The following PTBP2 variants were observed in gnomAD, a reference collection of about 807,000 sequenced individuals.
PTBP2 encodes polypyrimidine tract binding protein 2.
In PTBP2, 13 loss-of-function variants were observed where a neutral mutation model predicts 61.4. The observed-to-expected ratio is 0.21, with a 90% CI of 0.14 to 0.34. The LOEUF is 0.34. PTBP2 is among the 10% of genes least tolerant of loss of function. PTBP2 has a pLI of 1.00. For synonymous variants in PTBP2, 215 were observed against 218.5 expected (o/e 0.98, Z 0.14); for missense variants, 405 against 642.6 (o/e 0.63, Z 4.00).
chr1:96,792,191 G>T (rs1659921055), intron 8 of PTBP2, among the ~76,000 whole-genome samples: 1 of 152,114 alleles, frequency 6.6e-6, no homozygotes, highest in South Asian at 2.1e-4. Context: ...AAATACTGTA[G>T]CTTAGAATGA....
intron 3 of PTBP2, among the ~76,000 whole-genome samples, chr1:96,767,748 A>G (rs1304385365): frequency 6.6e-6 from 1 of 152,132 alleles, no homozygotes; most frequent in Admixed American, 6.5e-5. Flanking sequence ...TAGATAAGAT[A>G]CTACAAAATG....
At chr1:96,797,673 A>G (rs1660527050) in intron 8 of PTBP2, among the ~76,000 whole-genome samples, 1 of 152,040 alleles carries the variant, frequency 6.6e-6, no homozygotes, top group African/African-American at 2.4e-5. Context: ...ATAAAATGGT[A>G]TAGTGTTTGC....
chr1:96,794,754 A>G (rs1182129815), intron 8 of PTBP2, among the ~76,000 whole-genome samples: 19 of 152,214 alleles, frequency 1.2e-4, no homozygotes, highest in South Asian at 2.1e-4. Flanking sequence ...TTATCAGCAC[A>G]TAAATGAGTG....
downstream of PTBP2, chr1:96,819,145 A>G (rs1471758275): frequency 1.6e-4 from 25 of 152,000 alleles, no homozygotes; most frequent in Admixed American, 1.6e-3. Context: ...TTTGTGGTTT[A>G]ATGAAATGAT....
chr1:96,734,227 G>A (rs550840433), intron 2 of PTBP2, among the ~76,000 whole-genome samples: 6 of 152,136 alleles, frequency 3.9e-5, no homozygotes, highest in African/African-American at 1.4e-4. Flanking sequence ...CTAAAATGAT[G>A]ATATCCACAC....
downstream of PTBP2, chr1:96,817,230 G>C (rs1199630810): frequency 6.6e-6 from 1 of 152,120 alleles, no homozygotes. Flanking sequence ...CTCATGAGCA[G>C]CTCTGAACTT....
intron 2 of PTBP2, among the ~76,000 whole-genome samples, chr1:96,747,545 G>T (rs1199038410): frequency 6.6e-6 from 1 of 151,662 alleles, no homozygotes; most frequent in Non-Finnish European, 1.5e-5. Flanking sequence ...CCCTTATTAA[G>T]ATAGTCAATT....
chr1:96,746,432 T>TC (rs913099339), intron 2 of PTBP2, among the ~76,000 whole-genome samples: 1 of 152,156 alleles, frequency 6.6e-6, no homozygotes, highest in African/African-American at 2.4e-5. Flanking sequence ...ACATCTTTTT[T>TC]CCCCCCACAT....
chr1:96,792,333 C>A lies in PTBP2; in HGVS notation c.904+7079C>A, dbSNP rs273862. ...AATACATCATCTCTAAATGTAGTTA[C>A]CATTATCGATCCCATTTTATAGATT... is the stretch of plus-strand genomic sequence containing the variant. On this transcript the variant is annotated intron_variant, in intron 8 of 13. Coordinates refer to ENST00000674951, the MANE Select transcript of PTBP2 (RefSeq NM_021190.4). 3.1e-3 allele frequency among the ~76,000 whole-genome samples: 475 copies of A among 152,218 alleles called. 2 individuals are homozygous for A. The highest frequency in any genetic ancestry group is 0.011 in the African/African-American group (464 of 41,512).
chr1:96,799,299 T>TTTTTTTTTTC (rs1660733361), intron 8 of PTBP2, among the ~76,000 whole-genome samples: 1 of 137,884 alleles, frequency 7.3e-6, no homozygotes, highest in African/African-American at 2.9e-5. Context: ...TCAAGCTTTT[T>TTTTTTTTTTC]TTTTTTTTTT....
rs1177747191 is a variant in PTBP2, at chr1:96,813,658, T to G, written c.*253T>G. 3 of 241,896 alleles carry G rather than the reference T, an allele frequency of 1.2e-5. No homozygotes were observed. The highest frequency in any genetic ancestry group is 2.2e-5 in the Non-Finnish European group (3 of 136,064). 15.0% of individuals were successfully genotyped at this position (241,896 alleles called of 1,614,324 possible). A position where few individuals can be genotyped will look rare whatever the true frequency, so the allele number is the denominator to read the frequency against. On this transcript the variant is annotated 3_prime_UTR_variant, in exon 14 of 14. Coordinates refer to ENST00000674951, the MANE Select transcript of PTBP2 (RefSeq NM_021190.4). ...GTCTGTTTAAAATTTCAGTTTAATTTTGCTTTTTTTTTTTTTTTTTTTTTC... is the reference window on the plus strand; with the variant it reads ...GTCTGTTTAAAATTTCAGTTTAATTGTGCTTTTTTTTTTTTTTTTTTTTTC...
chr1:96,746,091 C>A (rs543799157), intron 2 of PTBP2, among the ~76,000 whole-genome samples: 149 of 150,980 alleles, frequency 9.9e-4, no homozygotes, highest in Non-Finnish European at 1.8e-3. Context: ...AAAACAACAA[C>A]AAAAAAAGAT....
chr1:96,779,835 G>A (rs1658451401), intron 7 of PTBP2, among the ~76,000 whole-genome samples: 1 of 151,766 alleles, frequency 6.6e-6, no homozygotes, highest in Non-Finnish European at 1.5e-5. Context: ...TTACTTGCCT[G>A]CATCTGGGCT....
chr1:96,733,859 C>T (rs976566124), intron 2 of PTBP2, among the ~76,000 whole-genome samples: 3 of 152,180 alleles, frequency 2.0e-5, no homozygotes, highest in African/African-American at 7.2e-5. Context: ...TGAAGACAGT[C>T]AGGATGAAGA....
chr1:96,753,161 A>G (rs893846058), intron 3 of PTBP2, among the ~76,000 whole-genome samples: 1 of 152,222 alleles, frequency 6.6e-6, no homozygotes, highest in Non-Finnish European at 1.5e-5. Context: ...ACATGTGTGC[A>G]GGTTGAGGCT....
At chr1:96,821,401 A>G (rs1662679014) in exon 14 of PTBP2, 1 of 151,760 alleles carries the variant, frequency 6.6e-6, no homozygotes, top group Non-Finnish European at 1.5e-5. Flanking sequence ...ACCTGCAGTT[A>G]ACTTTATACA....
In PTBP2 at chr1:96,813,678, T is replaced by TTTTTTTTTTTTTA. The variant is rs1662293509; in HGVS notation, c.*277_*278insTTTTTTTTATTTT. 1 of 209,820 alleles carries TTTTTTTTTTTTTA rather than the reference T, an allele frequency of 4.8e-6. No individual in the cohort carries two copies. Among genetic ancestry groups the TTTTTTTTTTTTTA allele is most frequent in the Non-Finnish European group, 9.1e-6 (1 of 110,096 alleles). 13.0% of individuals were successfully genotyped at this position (209,820 alleles called of 1,614,324 possible). A position where few individuals can be genotyped will look rare whatever the true frequency, so the allele number is the denominator to read the frequency against. On this transcript the variant is annotated 3_prime_UTR_variant, in exon 14 of 14. Transcript: ENST00000674951. ...TAATTTTGCTTTTTTTTTTTTTTTT[T>TTTTTTTTTTTTTA]TTTTCCTTTCAACTTAGTTGACATA... is the stretch of plus-strand genomic sequence containing the variant.
intron 11 of PTBP2, among the ~76,000 whole-genome samples, chr1:96,812,271 T>C (rs916157489): frequency 6.6e-6 from 1 of 152,182 alleles, no homozygotes; most frequent in African/African-American, 2.4e-5. Flanking sequence ...AAGACAAATA[T>C]GAGACTGAGT....
chr1:96,812,130 G>A (rs1011359291), intron 11 of PTBP2, among the ~76,000 whole-genome samples: 1 of 152,164 alleles, frequency 6.6e-6, no homozygotes, highest in African/African-American at 2.4e-5. Flanking sequence ...AAAGGTATAA[G>A]CCATGTTAAA....
Sources: gnomAD v4.1 joint callset for allele counts (sites outside exome capture counted in the v4.1 genomes callset) on GRCh38, gnomAD v4.1.1 for gene constraint, MANE v1.5 for transcripts, NCBI Gene and HGNC (gene_info 2026-07-23, HGNC 2026-07-21) for gene names.